Variants in COL23A1 observed in about 807,000 individuals in gnomAD.
COL23A1 encodes collagen alpha-1(XXIII) chain.
COL23A1 carries 97 observed loss-of-function variants against 99.3 expected under a neutral mutation model. That is an observed-to-expected ratio of 0.98 (90% CI 0.83 to 1.16). The LOEUF is 1.16. Ranked by LOEUF, COL23A1 falls within the 50% of genes most tolerant of loss-of-function variation. The pLI is 0.00. For synonymous variants in COL23A1, 320 were observed against 308.2 expected, an observed-to-expected ratio of 1.04 and a Z score of -0.40; for missense variants, 762 against 757.4, an observed-to-expected ratio of 1.01 and a Z score of -0.07.
chr5:178,422,131 C>T (rs749268362), intron 2 of COL23A1, among the ~76,000 whole-genome samples: 5 of 152,172 alleles, frequency 3.3e-5, no homozygotes, highest in Non-Finnish European at 7.3e-5. Context: ...TCCTTATGCC[C>T]ACATCTCCAA....
intron 8 of COL23A1, 26 bp from the exon 9 acceptor site, chr5:178,263,350 C>T (rs1258102517): frequency 1.4e-6 from 2 of 1,421,402 alleles, no homozygotes; most frequent in Admixed American, 2.1e-5. Flanking sequence ...CTTGGCATGA[C>T]TCTGAGGGGG....
At chr5:178,562,344 G>C in intron 1 of COL23A1, 1 of 227,886 alleles carries the variant, frequency 4.4e-6, no homozygotes, top group East Asian at 1.4e-4. Flanking sequence ...CACGAGGTCA[G>C]GAGATCGAGA....
At chr5:178,334,097 G>A (rs1263506577) in intron 2 of COL23A1, among the ~76,000 whole-genome samples, 3 of 152,162 alleles carry the variant, frequency 2.0e-5, no homozygotes, top group African/African-American at 7.2e-5. Context: ...GGTCCTCAAG[G>A]CTGTGGGCTA....
chr5:178,240,417 A>G (rs1411730501), intron 27 of COL23A1, among the ~76,000 whole-genome samples: 2 of 152,168 alleles, frequency 1.3e-5, no homozygotes, highest in African/African-American at 4.8e-5. Context: ...CCGAAGGCCC[A>G]CACAGCACAC....
intron 5 of COL23A1, among the ~76,000 whole-genome samples, chr5:178,287,557 C>G (rs772665899): frequency 1.1e-4 from 16 of 152,052 alleles, no homozygotes; most frequent in Non-Finnish European, 2.9e-5. Context: ...GCTGCAGGAC[C>G]GGGGACCACC....
chr5:178,382,550 C>T (rs1026721715), intron 2 of COL23A1, among the ~76,000 whole-genome samples: 1 of 152,076 alleles, frequency 6.6e-6, no homozygotes, highest in Admixed American at 6.6e-5. Context: ...TAGGGTGAAC[C>T]GATACCCCAC....
chr5:178,358,292 A>G (rs1242317890), intron 2 of COL23A1, among the ~76,000 whole-genome samples: 3 of 111,722 alleles, frequency 2.7e-5, no homozygotes, highest in African/African-American at 3.7e-5. Context: ...GCGTGTGCGT[A>G]TATGTATGTA....
chr5:178,257,164 A>G (rs1445900219), intron 13 of COL23A1, among the ~76,000 whole-genome samples: 1 of 152,140 alleles, frequency 6.6e-6, no homozygotes, highest in Non-Finnish European at 1.5e-5. Context: ...GGGGCAGCGC[A>G]GGGGCTCAAG....
chr5:178,326,681 T>C (rs949134881), intron 2 of COL23A1, among the ~76,000 whole-genome samples: 115 of 152,232 alleles, frequency 7.6e-4, no homozygotes, highest in Admixed American at 5.9e-4. Flanking sequence ...TCATCATTCA[T>C]CCATTTCTCC....
At chr5:178,477,572 C>T (rs1366528891) in intron 2 of COL23A1, among the ~76,000 whole-genome samples, 1 of 152,178 alleles carries the variant, frequency 6.6e-6, no homozygotes, top group East Asian at 1.9e-4. Context: ...CAGTTTGTAC[C>T]CAAAGGGAGA....
intron 2 of COL23A1, among the ~76,000 whole-genome samples, chr5:178,431,812 C>T (rs937553408): frequency 6.6e-6 from 1 of 152,242 alleles, no homozygotes; most frequent in East Asian, 1.9e-4. Context: ...TAATTTGCTA[C>T]AGCGTCCACA....
At chr5:178,562,736 T>TGGGGGGGGGGGGGGGG (rs569933780) in intron 1 of COL23A1, 9 of 106,808 alleles carry the variant, frequency 8.4e-5, no homozygotes, top group African/African-American at 3.9e-4. Flanking sequence ...TGGCTGGTGG[T>TGGGGGGGGGGGGGGGG]GGGGGGGGTG....
intron 2 of COL23A1, among the ~76,000 whole-genome samples, chr5:178,385,682 G>A (rs1157942455): frequency 6.6e-6 from 1 of 152,204 alleles, no homozygotes; most frequent in East Asian, 1.9e-4. Context: ...TCTGCCACAC[G>A]TCGTGGCTTG....
chr5:178,582,481 G>A (rs1562111408), intron 1 of COL23A1, among the ~76,000 whole-genome samples: 1 of 152,124 alleles, frequency 6.6e-6, no homozygotes, highest in Non-Finnish European at 1.5e-5. Context: ...GAAATCTGTG[G>A]GGCAGAGAGG....
chr5:178,459,970 C>G, intron 2 of COL23A1, among the ~76,000 whole-genome samples: 1 of 152,098 alleles, frequency 6.6e-6, no homozygotes, highest in African/African-American at 2.4e-5. Context: ...CAACTGTTAT[C>G]TCTTTATGGT....
chr5:178,383,349 G>A (rs1031705059), intron 2 of COL23A1, among the ~76,000 whole-genome samples: 1 of 152,194 alleles, frequency 6.6e-6, no homozygotes, highest in Non-Finnish European at 1.5e-5. Context: ...ACAGACAAGG[G>A]CCCAGCCCTG....
At chr5:178,425,669 C>T (rs942260502) in intron 2 of COL23A1, among the ~76,000 whole-genome samples, 9 of 152,118 alleles carry the variant, frequency 5.9e-5, no homozygotes, top group African/African-American at 1.7e-4. Flanking sequence ...TTGGGTCTGC[C>T]GGCAACTGGA....
intron 2 of COL23A1, among the ~76,000 whole-genome samples, chr5:178,518,519 CAGA>C (rs1759711903): frequency 6.6e-6 from 1 of 150,736 alleles, no homozygotes; most frequent in African/African-American, 2.5e-5. Flanking sequence ...GCTGGCCGGG[CAGA>C]GGGGCTCCTC....
intron 1 of COL23A1, among the ~76,000 whole-genome samples, chr5:178,572,160 A>T (rs1763142982): frequency 6.6e-6 from 1 of 151,778 alleles, no homozygotes; most frequent in Admixed American, 6.6e-5. Flanking sequence ...TTAATGGCAG[A>T]TGAGACATTG....
Sources: allele counts gnomAD v4.1 joint callset (sites outside exome capture counted in the v4.1 genomes callset), GRCh38; gene constraint gnomAD v4.1.1; transcripts MANE v1.5; gene names NCBI Gene and HGNC (gene_info 2026-07-23, HGNC 2026-07-21).